PANK2: variants seen among roughly 807,000 people sequenced by gnomAD.
The protein encoded by PANK2 is pantothenate kinase 2, mitochondrial.
Under a neutral mutation model 43.1 loss-of-function variants are expected in PANK2, and 36 were observed. That is an observed-to-expected ratio of 0.84 (90% CI 0.64 to 1.10). PANK2 has a LOEUF of 1.10. Among genes scored for constraint, PANK2 ranks in the 50% least tolerant of loss-of-function variants. The pLI is 0.00. For synonymous variants in PANK2, 281 were observed against 238.2 expected, an observed-to-expected ratio of 1.18 and a Z score of -1.66; for missense variants, 576 against 593.3, an observed-to-expected ratio of 0.97 and a Z score of 0.30.
chr20:3,915,406 C>T (rs1438665792), intron 4 of PANK2, among the ~76,000 whole-genome samples: 1 of 152,120 alleles, frequency 6.6e-6, no homozygotes, highest in Non-Finnish European at 1.5e-5. Flanking sequence ...TCAAGCGATT[C>T]TCCTGCCTCA....
intron 1 of PANK2, among the ~76,000 whole-genome samples, chr20:3,906,589 A>G (rs895597514): frequency 6.6e-6 from 1 of 152,204 alleles, no homozygotes; most frequent in African/African-American, 2.4e-5. Flanking sequence ...ATAATGAATA[A>G]TATAAAAGAT....
intron 4 of PANK2, among the ~76,000 whole-genome samples, chr20:3,913,775 C>CATACAT (rs1555788887): frequency 0.019 from 2,326 of 123,758 alleles, 32 homozygotes; most frequent in East Asian, 0.084. Context: ...CACACACACA[C>CATACAT]ATATATATAT....
In PANK2 at chr20:3,926,459, G is replaced by T. The variant is rs950635191; in HGVS notation, c.*3165G>T. ...TGGTTGCAAGATCGTGGCTGGCCTT[G>T]ATGGAAGCTGGGAAGCCACTCGGTC... On this transcript the variant is annotated 3_prime_UTR_variant, in exon 7 of 7. Coordinates refer to ENST00000610179, the MANE Select transcript of PANK2 (RefSeq NM_001386393.1). 1.3e-5 allele frequency: 2 copies of T among 152,330 alleles called. No individual in the cohort carries two copies. Among genetic ancestry groups the T allele is most frequent in the African/African-American group, 4.8e-5 (2 of 41,452 alleles). 9.4% of individuals were successfully genotyped at this position (152,330 alleles called of 1,614,324 possible). A position where few individuals can be genotyped will look rare whatever the true frequency, so the allele number is the denominator to read the frequency against.
At chr20:3,908,338 G>A in intron 2 of PANK2, 60 bp downstream of exon 2, 1 of 1,373,978 alleles carries the variant, frequency 7.3e-7, no homozygotes, top group African/African-American at 1.4e-5. Flanking sequence ...AATAATGCCA[G>A]TAGCAAGTGG....
chr20:3,899,050 A>AT (rs1289001430), intron 1 of PANK2, among the ~76,000 whole-genome samples: 4 of 151,350 alleles, frequency 2.6e-5, no homozygotes, highest in African/African-American at 9.7e-5. Flanking sequence ...AATTTTTTAT[A>AT]TTTTTAGTAG....
intron 2 of PANK2, among the ~76,000 whole-genome samples, chr20:3,909,793 C>T (rs1245918635): frequency 1.3e-5 from 2 of 151,418 alleles, no homozygotes; most frequent in African/African-American, 4.9e-5. Context: ...TGGGTTTCAC[C>T]ATGTTGGCCA....
chr20:3,895,110 C>T (rs1170798712), intron 1 of PANK2, among the ~76,000 whole-genome samples: 2 of 151,896 alleles, frequency 1.3e-5, no homozygotes, highest in African/African-American at 4.8e-5. Flanking sequence ...CAGACCTCGT[C>T]TCTCCAAAAA....
At chr20:3,891,613 T>G (rs564209757) in intron 1 of PANK2, among the ~76,000 whole-genome samples, 2 of 152,356 alleles carry the variant, frequency 1.3e-5, no homozygotes, top group African/African-American at 4.8e-5. Flanking sequence ...AAGTTTGATC[T>G]TTTGTGTTCA....
chr20:3,911,141 A>C (rs185598632), intron 3 of PANK2, among the ~76,000 whole-genome samples: 1 of 152,356 alleles, frequency 6.6e-6, no homozygotes, highest in Non-Finnish European at 1.5e-5. Context: ...TGTAAGGAGA[A>C]GGCACGGGAA....
At chr20:3,899,317 A>G (rs1490509462) in intron 1 of PANK2, among the ~76,000 whole-genome samples, 2 of 151,200 alleles carry the variant, frequency 1.3e-5, no homozygotes, top group East Asian at 3.9e-4. Flanking sequence ...GATTACAGGC[A>G]TGTGCCACCA....
chr20:3,900,213 C>T (rs1488422837), intron 1 of PANK2, among the ~76,000 whole-genome samples: 2 of 151,868 alleles, frequency 1.3e-5, no homozygotes, highest in Non-Finnish European at 1.5e-5. Flanking sequence ...ATGGTGCCAG[C>T]GATTCTACCC....
Position 3,927,203 on chromosome 20 carries a change from A to G in PANK2, c.*3909A>G, listed in dbSNP as rs930422509. On this transcript the variant is annotated 3_prime_UTR_variant, in exon 7 of 7. Coordinates refer to ENST00000610179, the MANE Select transcript of PANK2 (RefSeq NM_001386393.1). ...CCATCACAATCACTCAGTACTAGTT[A>G]CCAGCTCTGATAGAATTACTCACCT... 5 of 152,240 alleles carry G rather than the reference A, an allele frequency of 3.3e-5. No individual in the cohort carries two copies. Among genetic ancestry groups the G allele is most frequent in the African/African-American group, 4.8e-5 (2 of 41,438 alleles). The allele number at this position is 152,240 out of a possible 1,614,324, so 9.4% of individuals were successfully genotyped here. A position where few individuals can be genotyped will look rare whatever the true frequency, so the allele number is the denominator to read the frequency against.
Position 3,909,376 on chromosome 20 carries a change from G to A in PANK2, c.651+1098G>A, listed in dbSNP as rs571811037. Among the ~76,000 whole-genome samples the A allele has an allele frequency of 2.2e-4, 34 of 152,186 alleles. 1 individual carries two copies. The highest frequency in any genetic ancestry group is 7.7e-4 in the African/African-American group (32 of 41,530). On this transcript the variant is annotated intron_variant, in intron 2 of 6. Transcript: ENST00000610179. Reference sequence around the variant, plus strand: ...ATTACAGGGGTGAGTCACCTTGCCCGGCCCAGATTCTGCCTGTTATTCTGC... The same window carrying A: ...ATTACAGGGGTGAGTCACCTTGCCCAGCCCAGATTCTGCCTGTTATTCTGC...
intron 4 of PANK2, among the ~76,000 whole-genome samples, chr20:3,915,287 G>C (rs142205948): frequency 1.3e-5 from 2 of 151,850 alleles, no homozygotes; most frequent in Non-Finnish European, 2.9e-5. Context: ...ATATATGTGT[G>C]TGTGTGTATT....
In PANK2 at chr20:3,915,148, T is replaced by C. The variant is rs145145908; in HGVS notation, c.1083-1779T>C. ...TTAAATTTTGATGAAGTTAATCTTA[T>C]CTATCTTCTGTCACTTGTGCTTTTG... On this transcript the variant is annotated intron_variant, in intron 4 of 6. Coordinates refer to ENST00000610179, the MANE Select transcript of PANK2 (RefSeq NM_001386393.1). Among the ~76,000 whole-genome samples the C allele has an allele frequency of 3.2e-4, 48 of 152,322 alleles. 1 individual carries two copies. Among genetic ancestry groups the C allele is most frequent in the African/African-American group, 1.1e-3 (45 of 41,572 alleles).
intron 1 of PANK2, among the ~76,000 whole-genome samples, chr20:3,900,086 C>G (rs376425803): frequency 1.3e-5 from 2 of 151,718 alleles, no homozygotes; most frequent in South Asian, 4.2e-4. Context: ...GTTTGGTCTG[C>G]TAGTATTGTA....
intron 1 of PANK2, among the ~76,000 whole-genome samples, chr20:3,907,044 C>A (rs2090398011): frequency 6.7e-6 from 1 of 150,058 alleles, no homozygotes; most frequent in Non-Finnish European, 1.5e-5. Context: ...ATTCACCTGC[C>A]TTAGCCTCCC....
At chr20:3,913,565 A>T (rs546499339) in intron 4 of PANK2, among the ~76,000 whole-genome samples, 22 of 151,982 alleles carry the variant, frequency 1.4e-4, no homozygotes, top group Admixed American at 1.4e-3. Flanking sequence ...GCAGGTCTCG[A>T]ACTCAGGTGA....
rs1327793374 is a variant in PANK2 at position 3,889,469 on chromosome 20, G to C, written c.39G>C (p.Arg13=). 6.5e-7 allele frequency: 1 copy of C among 1,536,594 alleles called. No individual in the cohort carries two copies. Among genetic ancestry groups the C allele is most frequent in the Non-Finnish European group, 8.7e-7 (1 of 1,149,156 alleles). ...TCGGGCGGCAGCGACTGCTGCTGCGGATGGGAGGGGGCCGGCTCGGCGCGC... is the reference window on the plus strand; with the variant it reads ...TCGGGCGGCAGCGACTGCTGCTGCGCATGGGAGGGGGCCGGCTCGGCGCGC... The change falls in exon 1 of 7, where the codon CGG becomes CGC. Residue 13 remains arginine (R), a synonymous_variant. Coordinates refer to ENST00000610179, the MANE Select transcript of PANK2 (RefSeq NM_001386393.1).
Sources: gnomAD v4.1 joint callset for allele counts (sites outside exome capture counted in the v4.1 genomes callset) on GRCh38, gnomAD v4.1.1 for gene constraint, MANE v1.5 for transcripts, NCBI Gene and HGNC (gene_info 2026-07-23, HGNC 2026-07-21) for gene names.